STYXL2: variants seen among roughly 807,000 people sequenced by gnomAD.
STYXL2 encodes the protein serine/threonine/tyrosine interacting like 2, also known as serine/threonine/tyrosine-interacting-like protein 2.
In STYXL2, 44 loss-of-function variants were observed where a neutral mutation model predicts 52.4. That is an observed-to-expected ratio of 0.84 (90% confidence interval 0.66 to 1.08). The LOEUF is 1.08. Among genes scored for constraint, STYXL2 ranks in the 50% least tolerant of loss-of-function variants. The probability of loss-of-function intolerance (pLI) is 0.00; values close to 1 mark genes in which losing one functional copy is unlikely to be tolerated. For synonymous variants in STYXL2, 604 were observed against 586.9 expected (o/e 1.03, Z -0.42); for missense variants, 1,604 against 1,471.7 (o/e 1.09, Z -1.47).
Position 167,117,566 on chromosome 1 carries a change from C to T in STYXL2, c.437+7C>T. ...ATGTCTTCATAGCTGAGAAGTGAGT[C>T]TGACTGCTCTTCATGACCCTTTGTC... On this transcript the variant is annotated splice_region_variant and intron_variant, in intron 4 of 5. Transcript: ENST00000361200. The T allele has an allele frequency of 2.5e-6, 4 of 1,581,820 alleles. No individual in the cohort carries two copies. Among genetic ancestry groups the T allele is most frequent in the Non-Finnish European group, 3.4e-6 (4 of 1,162,492 alleles).
intron 2 of STYXL2, among the ~76,000 whole-genome samples, chr1:167,110,573 T>C (rs547573744): frequency 6.6e-6 from 1 of 152,032 alleles, no homozygotes; most frequent in South Asian, 2.1e-4. Context: ...CTTAGGGAAA[T>C]ACAAAATACA....
At chr1:167,113,912 C>A (rs749150077) in intron 3 of STYXL2, 108 bp downstream of exon 3, 3 of 849,734 alleles carry the variant, frequency 3.5e-6, no homozygotes, top group Admixed American at 3.5e-5. Flanking sequence ...CTGCCCATCA[C>A]GTTAGGAAGA....
intron 2 of STYXL2, among the ~76,000 whole-genome samples, chr1:167,097,874 C>T (rs573139403): frequency 1.3e-4 from 20 of 151,880 alleles, no homozygotes; most frequent in African/African-American, 4.3e-4. Flanking sequence ...TTAAAAATAA[C>T]GATATAGGTT....
Position 167,117,452 on chromosome 1 carries a change from T to C in STYXL2, c.330T>C (p.Tyr110=), listed in dbSNP as rs1466689372. The C allele has an allele frequency of 2.5e-6, 4 of 1,612,674 alleles. No homozygotes were observed. The change falls in exon 4 of 6, where the codon TAT becomes TAC. Residue 110 remains tyrosine, a synonymous_variant. Transcript: ENST00000361200. ...AGAAGATGGATGACACCAGCCTCTATAATACGCCCTGTGTCCTGGACCTAC... is the reference window on the plus strand; with the variant it reads ...AGAAGATGGATGACACCAGCCTCTACAATACGCCCTGTGTCCTGGACCTAC... ...VREKMDDTSL[Y]NTPCVLDLQR...
Position 167,128,929 on chromosome 1 carries a change from A to C in STYXL2, c.*321A>C. On this transcript the variant is annotated 3_prime_UTR_variant, in exon 6 of 6. Transcript: ENST00000361200. ...TCACAGGCTAGAGAGGTGAGCTTGG[A>C]AAAGCACTGTAGTTTGTCAGAGACT... The C allele has an allele frequency of 3.7e-6, 1 of 267,534 alleles. No individual in the cohort carries two copies. The highest frequency in any genetic ancestry group is 7.1e-6 in the Non-Finnish European group (1 of 141,072). The allele number at this position is 267,534 out of a possible 1,614,324, so 16.6% of individuals were successfully genotyped here. A position where few individuals can be genotyped will look rare whatever the true frequency, so the allele number is the denominator to read the frequency against.
At chr1:167,114,238 G>T (rs574934076) in intron 3 of STYXL2, among the ~76,000 whole-genome samples, 1 of 152,110 alleles carries the variant, frequency 6.6e-6, no homozygotes, top group Admixed American at 6.5e-5. Context: ...GGAGGGAAAG[G>T]CTTGGGTGGG....
At chr1:167,117,214 C>T in intron 3 of STYXL2, 114 bp from the exon 4 acceptor site, 1 of 920,618 alleles carries the variant, frequency 1.1e-6, no homozygotes, top group Admixed American at 2.3e-5. Flanking sequence ...TGCTGGCATT[C>T]AGTCCATGCC....
At chr1:167,100,743 CTG>C (rs1405566756) in intron 2 of STYXL2, among the ~76,000 whole-genome samples, 1 of 152,176 alleles carries the variant, frequency 6.6e-6, no homozygotes, top group Non-Finnish European at 1.5e-5. Flanking sequence ...CTGCTGAATC[CTG>C]TTGGTTTTAA....
chr1:167,111,416 TG>T (rs1312336245), intron 2 of STYXL2, among the ~76,000 whole-genome samples: 1 of 144,724 alleles, frequency 6.9e-6, no homozygotes, highest in Non-Finnish European at 1.5e-5. Flanking sequence ...TGTGAAAACA[TG>T]GAACCAGCCC....
intron 2 of STYXL2, among the ~76,000 whole-genome samples, chr1:167,095,579 T>C (rs1461886587): frequency 6.6e-6 from 1 of 152,172 alleles, no homozygotes; most frequent in Non-Finnish European, 1.5e-5. Context: ...TATGTTATCA[T>C]GTAGAATGAA....
intron 2 of STYXL2, among the ~76,000 whole-genome samples, chr1:167,096,370 C>T (rs189749919): frequency 6.6e-6 from 1 of 152,274 alleles, no homozygotes; most frequent in East Asian, 1.9e-4. Flanking sequence ...AGGCAGAGGT[C>T]GCTTCGTGTG....
In STYXL2 at chr1:167,113,781, C is replaced by G; in HGVS notation, c.182C>G (p.Ala61Gly). Residue 61 changes from alanine to glycine, a missense_variant, in exon 3 of 6, where the codon GCA becomes GGA. Transcript: ENST00000361200. Reference protein sequence around the residue: ...MEPIHLSSAIAAKQIINEELK... With the variant: ...MEPIHLSSAIGAKQIINEELK... ...CCCATTCACCTCTCCTCAGCCATTGCAGCCAAACAGATCATCAATGAAGGT... is the reference window on the plus strand; with the variant it reads ...CCCATTCACCTCTCCTCAGCCATTGGAGCCAAACAGATCATCAATGAAGGT... 1 of 1,613,796 alleles carries G rather than the reference C, an allele frequency of 6.2e-7. No homozygotes were observed. Among genetic ancestry groups the G allele is most frequent in the East Asian group, 2.2e-5 (1 of 44,876 alleles).
chr1:167,096,779 T>C (rs372376300), intron 2 of STYXL2, among the ~76,000 whole-genome samples: 1 of 152,316 alleles, frequency 6.6e-6, no homozygotes, highest in Admixed American at 6.5e-5. Context: ...TCAGCCACAA[T>C]GTACTCCTCT....
In STYXL2 at chr1:167,128,205, C is replaced by T. The variant is rs186762234; in HGVS notation, c.3074C>T (p.Thr1025Met). The T allele has an allele frequency of 1.6e-5, 26 of 1,614,216 alleles. No homozygotes were observed. The Admixed American group carries it at 2.7e-4, about 17-fold the overall frequency. Residue 1025 changes from threonine (T) to methionine (M), a missense_variant, in exon 6 of 6, where the codon ACG becomes ATG. Thr to Met is a moderately conservative substitution (Grantham distance 81). Coordinates refer to ENST00000361200, the MANE Select transcript of STYXL2 (RefSeq NM_001080426.3). Reference sequence around the variant, plus strand: ...GAGATGCACAAGTTCTCCAGGTCCACGTACAACGAGACCTCAAGTTCCCGA... The same window carrying T: ...GAGATGCACAAGTTCTCCAGGTCCATGTACAACGAGACCTCAAGTTCCCGA... ...GREMHKFSRS[T>M]YNETSSSREE... is the part of the protein sequence containing the mutation.
chr1:167,113,573 A>T, intron 2 of STYXL2, 137 bp from the exon 3 acceptor site: 1 of 697,628 alleles, frequency 1.4e-6, no homozygotes. Flanking sequence ...TTGGGTCCTT[A>T]AACTTAGGAA....
intron 2 of STYXL2, among the ~76,000 whole-genome samples, chr1:167,101,581 A>G (rs1057124696): frequency 9.2e-5 from 14 of 152,304 alleles, no homozygotes; most frequent in Middle Eastern, 3.4e-3. Context: ...AAGCAAGTGG[A>G]TCACCTGAGG....
chr1:167,095,327 G>C (rs1343040779), intron 2 of STYXL2, among the ~76,000 whole-genome samples: 1 of 151,364 alleles, frequency 6.6e-6, no homozygotes, highest in Non-Finnish European at 1.5e-5. Flanking sequence ...GACTGGGGCT[G>C]GATATGGGGA....
intron 2 of STYXL2, among the ~76,000 whole-genome samples, chr1:167,106,629 T>C (rs1667510881): frequency 6.6e-6 from 1 of 152,214 alleles, no homozygotes; most frequent in African/African-American, 2.4e-5. Flanking sequence ...ATGGAAAATA[T>C]GACTGCTCAC....
intron 2 of STYXL2, 78 bp from the exon 3 acceptor site, chr1:167,113,632 G>C (rs12122365): frequency 8.8e-7 from 1 of 1,141,306 alleles, no homozygotes; most frequent in Non-Finnish European, 1.3e-6. Flanking sequence ...TAAAATCAAA[G>C]CCAGGTTTCT....
Sources: allele counts gnomAD v4.1 joint callset (sites outside exome capture counted in the v4.1 genomes callset), GRCh38; gene constraint gnomAD v4.1.1; transcripts MANE v1.5; gene names NCBI Gene and HGNC (gene_info 2026-07-23, HGNC 2026-07-21).